Variants in CAPN3 observed in about 807,000 individuals in gnomAD.
The protein encoded by CAPN3 is calpain-3.
A neutral mutation model predicts 114.0 loss-of-function variants in CAPN3; 88 were observed. The observed-to-expected ratio is 0.77, with a 90% CI of 0.65 to 0.92. The LOEUF (loss-of-function observed/expected upper bound fraction) is 0.92. CAPN3 is among the 40% of genes least tolerant of loss of function. CAPN3 has a pLI of 0.00. For synonymous variants in CAPN3, 386 were observed against 382.9 expected (o/e 1.01, Z -0.09); for missense variants, 1,028 against 1,069.0 (o/e 0.96, Z 0.53).
chr15:42,385,840 A>T, intron 2 of CAPN3: 1 of 570,118 alleles, frequency 1.8e-6, no homozygotes, highest in Non-Finnish European at 3.4e-6. Context: ...TAGGAAGAAC[A>T]ACCCAGTTAT....
At chr15:42,390,731 T>A (rs971394824) in intron 6 of CAPN3, among the ~76,000 whole-genome samples, 6 of 152,052 alleles carry the variant, frequency 3.9e-5, no homozygotes, top group African/African-American at 1.4e-4. Context: ...TAAAATGTTA[T>A]CATATTGTAT....
At chr15:42,406,930 G>A (rs28364517) in intron 15 of CAPN3, among the ~76,000 whole-genome samples, 21 of 152,262 alleles carry the variant, frequency 1.4e-4, no homozygotes, top group Non-Finnish European at 2.2e-4. Flanking sequence ...CTGGGGAGCC[G>A]TTTCCACGGG....
chr15:42,398,710 TACAC>T (rs1181394899), intron 9 of CAPN3, among the ~76,000 whole-genome samples: 1 of 141,158 alleles, frequency 7.1e-6, no homozygotes, highest in Non-Finnish European at 1.5e-5. Flanking sequence ...TGTGTATATA[TACAC>T]ACACACACTA....
At chr15:42,411,492 C>T in intron 23 of CAPN3, 147 bp downstream of exon 23, 2 of 841,804 alleles carry the variant, frequency 2.4e-6, no homozygotes, top group African/African-American at 1.7e-5. Flanking sequence ...GGAGGCTCAG[C>T]AGGCTCCCAG....
intron 14 of CAPN3, chr15:42,403,990 G>T: frequency 1.5e-6 from 1 of 659,824 alleles, no homozygotes; most frequent in South Asian, 1.5e-5. Flanking sequence ...CAGTTCAGGG[G>T]CTGGGAAATA....
At chr15:42,373,157 C>T (rs2052999291) in intron 1 of CAPN3, among the ~76,000 whole-genome samples, 1 of 152,174 alleles carries the variant, frequency 6.6e-6, no homozygotes, top group Non-Finnish European at 1.5e-5. Context: ...CATGCCACCG[C>T]ACTCCAGCCT....
chr15:42,378,325 ACTC>A (rs2053144779), intron 1 of CAPN3, among the ~76,000 whole-genome samples: 1 of 152,062 alleles, frequency 6.6e-6, no homozygotes, highest in Non-Finnish European at 1.5e-5. Flanking sequence ...CTTTAGATAA[ACTC>A]CTCTACATTC....
At chr15:42,391,971 C>T (rs1295479238) in intron 6 of CAPN3, among the ~76,000 whole-genome samples, 1 of 152,040 alleles carries the variant, frequency 6.6e-6, no homozygotes, top group Admixed American at 6.5e-5. Context: ...CGAGACCAGC[C>T]TGGCTAACAT....
intron 12 of CAPN3, 21 bp from the exon 13 acceptor site, chr15:42,402,773 T>A (rs1486717166): frequency 6.2e-7 from 1 of 1,612,680 alleles, no homozygotes; most frequent in Non-Finnish European, 8.5e-7. Context: ...TCATGTGCCC[T>A]GGGCTCTCCC....
chr15:42,407,232 G>A (rs1316060216), intron 15 of CAPN3, among the ~76,000 whole-genome samples: 29 of 152,156 alleles, frequency 1.9e-4, no homozygotes. Flanking sequence ...TTTGCAGTAT[G>A]ATTTTGCATT....
chr15:42,369,418 CTT>C lies in CAPN3; in HGVS notation c.309+9305_309+9306del, dbSNP rs2052874970. Among the ~76,000 whole-genome samples the C allele has an allele frequency of 2.0e-5, 3 of 151,922 alleles. No homozygotes were observed. In the South Asian group the frequency reaches 6.2e-4, roughly 32 times the overall value. On this transcript the variant is annotated intron_variant, in intron 1 of 23. Coordinates refer to ENST00000397163, the MANE Select transcript of CAPN3 (RefSeq NM_000070.3). ...TTGGGAGGCTGAGGTGGGAGGATCA[CTT>C]GAGCTACGGAGGTTGGGGCTGCAGT...
intron 10 of CAPN3, among the ~76,000 whole-genome samples, chr15:42,399,909 A>G (rs2053818680): frequency 6.6e-6 from 1 of 152,242 alleles, no homozygotes; most frequent in South Asian, 2.1e-4. Context: ...AAGCCCATCC[A>G]TCTTTGAAAA....
At chr15:42,366,528 T>G (rs2052780498) in intron 1 of CAPN3, among the ~76,000 whole-genome samples, 1 of 152,240 alleles carries the variant, frequency 6.6e-6, no homozygotes, top group African/African-American at 2.4e-5. Flanking sequence ...TGTGCTCACT[T>G]TCTGAACCCT....
chr15:42,376,074 G>A (rs767243909), intron 1 of CAPN3, among the ~76,000 whole-genome samples: 4 of 152,182 alleles, frequency 2.6e-5, no homozygotes, highest in Non-Finnish European at 5.9e-5. Flanking sequence ...TAAGGGTTTG[G>A]GGGAGGAAGA....
intron 8 of CAPN3, among the ~76,000 whole-genome samples, chr15:42,395,554 T>C (rs1320419148): frequency 6.6e-6 from 1 of 152,056 alleles, no homozygotes. Flanking sequence ...GGGAGTGACA[T>C]TGGAACTGTG....
chr15:42,369,952 A>G (rs1426010515), intron 1 of CAPN3, among the ~76,000 whole-genome samples: 1 of 150,502 alleles, frequency 6.6e-6, no homozygotes, highest in Admixed American at 6.7e-5. Flanking sequence ...GGCTTACTGC[A>G]ACATACATCT....
chr15:42,400,453 C>T (rs1464936434), intron 10 of CAPN3, among the ~76,000 whole-genome samples: 2 of 152,024 alleles, frequency 1.3e-5, no homozygotes, highest in African/African-American at 2.4e-5. Flanking sequence ...ACAAGAAGAT[C>T]GGGTGGGTGG....
intron 16 of CAPN3, chr15:42,409,065 G>C (rs1225695886): frequency 5.3e-6 from 3 of 563,320 alleles, no homozygotes; most frequent in Non-Finnish European, 9.6e-6. Flanking sequence ...CGGGGAGGAG[G>C]CTGTATGGCC....
At chr15:42,364,211 GCTAC>G (rs140735163) in intron 1 of CAPN3, among the ~76,000 whole-genome samples, 5,764 of 152,240 alleles carry the variant, frequency 0.038, 331 homozygotes, top group African/African-American at 0.12. Flanking sequence ...GTCTGGGCCT[GCTAC>G]CTAACACTTA....
Sources: allele counts gnomAD v4.1 joint callset (sites outside exome capture counted in the v4.1 genomes callset), GRCh38; gene constraint gnomAD v4.1.1; transcripts MANE v1.5; gene names NCBI Gene and HGNC (gene_info 2026-07-23, HGNC 2026-07-21).